The following RIPPLY2 variants were observed in gnomAD, a reference collection of about 807,000 sequenced individuals.
RIPPLY2 encodes protein ripply2.
In RIPPLY2, 20 loss-of-function variants were observed where a neutral mutation model predicts 17.7. The observed-to-expected ratio is 1.13, with a 90% CI of 0.79 to 1.64. The LOEUF (loss-of-function observed/expected upper bound fraction) is 1.64, where lower values mean the gene tolerates loss of function less well. RIPPLY2 is among the 40% of genes most tolerant of loss of function. RIPPLY2 has a pLI of 0.00. For synonymous variants in RIPPLY2, 69 were observed against 63.9 expected (o/e 1.08, Z -0.38); for missense variants, 213 against 169.8 (o/e 1.25, Z -1.41).
chr6:83,853,951 TGGGCCACAGGCACCCAGCC>T lies in RIPPLY2; in HGVS notation c.175-142_175-124del, dbSNP rs2099454600. 5.0e-6 allele frequency: 5 copies of T among 1,007,184 alleles called. No individual in the cohort carries two copies. In the South Asian group the frequency reaches 7.2e-5, roughly 14 times the overall value. The allele number at this position is 1,007,184 out of a possible 1,614,324, so 62.4% of individuals were successfully genotyped here. ...GCGGCGGATGTGTCCTCTGGAGCGATGGGCCACAGGCACCCAGCCGGGAGCGAGGCTGCTGAGAGCCCTG... is the reference window on the plus strand; with the variant it reads ...GCGGCGGATGTGTCCTCTGGAGCGATGGGAGCGAGGCTGCTGAGAGCCCTG... On this transcript the variant is annotated intron_variant, in intron 2 of 3. Coordinates refer to ENST00000369689, the MANE Select transcript of RIPPLY2 (RefSeq NM_001009994.3).
intron 2 of RIPPLY2, 105 bp from the exon 3 acceptor site, chr6:83,853,992 C>T: frequency 2.5e-6 from 3 of 1,199,310 alleles, no homozygotes; most frequent in Non-Finnish European, 3.7e-6. Flanking sequence ...TGCTGAGAGC[C>T]CTGGGGTTAC....
intron 3 of RIPPLY2, chr6:83,854,476 AG>A: frequency 2.7e-6 from 1 of 373,212 alleles, no homozygotes. Context: ...TAAATCCTAA[AG>A]GGTTCGAATG....
In RIPPLY2 at chr6:83,853,770, G is replaced by T. The variant is rs1227487632; in HGVS notation, c.171G>T (p.Glu57Asp). The change falls in exon 2 of 4, where the codon GAG (glutamate) becomes GAT (aspartate). Residue 57 changes from glutamate (E) to aspartate (D), a missense_variant. Transcript: ENST00000369689. ...AGGAGACGCCGAACCACGCCGCGGA[G>T]GCGGTGAGTGAGCCACGCGTCTCAG... ...KEEETPNHAA[E>D]AMPDGPGMTA... 1 of 1,612,180 alleles carries T rather than the reference G, an allele frequency of 6.2e-7. No homozygotes were observed. The highest frequency in any genetic ancestry group is 8.5e-7 in the Non-Finnish European group (1 of 1,179,600).
chr6:83,857,271 AT>A lies in RIPPLY2; in HGVS notation c.271del (p.Tyr91ThrfsTer10). On this transcript the variant is annotated frameshift_variant, in exon 4 of 4. Coordinates refer to ENST00000369689, the MANE Select transcript of RIPPLY2 (RefSeq NM_001009994.3). LOFTEE classifies it high-confidence loss of function. ...RLFWPKSKCYDYLYQEAEALL... is the reference protein window; with the variant it reads ...RLFWPKSKCYXYLYQEAEALL... ...TTTTGGCCAAAATCAAAATGTTATG[AT>A]TACTTATATCAAGAAGCAGAAGCTC... 6.5e-7 allele frequency: 1 copy of A among 1,530,734 alleles called. No homozygotes were observed. The highest frequency in any genetic ancestry group is 8.8e-7 in the Non-Finnish European group (1 of 1,142,622). The allele number at this position is 1,530,734 out of a possible 1,614,324, so 94.8% of individuals were successfully genotyped here.
At chr6:83,853,604 CA>C in intron 1 of RIPPLY2, 90 bp from the exon 2 acceptor site, 1 of 1,550,536 alleles carries the variant, frequency 6.4e-7, no homozygotes, top group Non-Finnish European at 8.7e-7. Context: ...CTCCATCCCC[CA>C]CTGCCCGGTG....
At chr6:83,855,442 A>T (rs866668869) in intron 3 of RIPPLY2, 9 of 152,254 alleles carry the variant, frequency 5.9e-5, no homozygotes, top group African/African-American at 2.2e-4. Flanking sequence ...GACAAAATAG[A>T]TTAGGCTTTA....
chr6:83,854,039 G>A, intron 2 of RIPPLY2, 58 bp from the exon 3 acceptor site: 1 of 1,500,472 alleles, frequency 6.7e-7, no homozygotes, highest in Non-Finnish European at 9.3e-7. Flanking sequence ...GGTCGTGCAC[G>A]TTTCCACTTT....
At position 83,853,462 on chromosome 6, in the gene RIPPLY2, G is replaced by C. The variant is rs1295530476; in HGVS notation, c.46G>C (p.Ala16Pro). The change falls in exon 1 of 4, where the codon GCG (alanine) becomes CCG (proline). Residue 16 changes from alanine (A) to proline (P), a missense_variant. Ala to Pro is a conservative substitution (Grantham distance 27, BLOSUM62 -1). Transcript: ENST00000369689. ...GAEGTESGAA[A>P]CAATDGPTRR... ...AGAGGGTACAGAGAGTGGAGCTGCGGCGTGCGCGGCCACCGACGGCCCTAC... is the reference window on the plus strand; with the variant it reads ...AGAGGGTACAGAGAGTGGAGCTGCGCCGTGCGCGGCCACCGACGGCCCTAC... 1 of 1,542,310 alleles carries C rather than the reference G, an allele frequency of 6.5e-7. No homozygotes were observed.
chr6:83,853,788 C>G lies in RIPPLY2; in HGVS notation c.174+15C>G. On this transcript the variant is annotated intron_variant, in intron 2 of 3. Coordinates refer to ENST00000369689, the MANE Select transcript of RIPPLY2 (RefSeq NM_001009994.3). Reference sequence around the variant, plus strand: ...CCGCGGAGGCGGTGAGTGAGCCACGCGTCTCAGGCCGCGCCTCCCACGGGT... The same window carrying G: ...CCGCGGAGGCGGTGAGTGAGCCACGGGTCTCAGGCCGCGCCTCCCACGGGT... The G allele has an allele frequency of 6.2e-7, 1 of 1,604,300 alleles. No individual in the cohort carries two copies. The highest frequency in any genetic ancestry group is 8.5e-7 in the Non-Finnish European group (1 of 1,173,968).
chr6:83,853,645 G>A (rs754039901), intron 1 of RIPPLY2, 50 bp from the exon 2 acceptor site: 12 of 1,590,420 alleles, frequency 7.5e-6, no homozygotes, highest in Non-Finnish European at 1.0e-5. Context: ...GATTCTCCCG[G>A]GTCTGGGCTC....
chr6:83,854,225 C>G, intron 3 of RIPPLY2, 64 bp downstream of exon 3: 1 of 1,322,612 alleles, frequency 7.6e-7, no homozygotes, highest in Non-Finnish European at 1.1e-6. Flanking sequence ...CCAGGGGCAT[C>G]GCGCAGCCCA....
At chr6:83,853,671 G>A in intron 1 of RIPPLY2, 24 bp from the exon 2 acceptor site, 1 of 1,608,154 alleles carries the variant, frequency 6.2e-7, no homozygotes, top group Non-Finnish European at 8.5e-7. Flanking sequence ...TCCTCTGCGC[G>A]CCTTGTGCTC....
rs909147379 is a variant in RIPPLY2 at position 83,853,402 on chromosome 6, C to G, written c.-15C>G. ...CGCGAGCTGGCAGCGGCCTTCCGCCCAGCTCTGCGGCGTCATGGAGAACGC... is the reference window on the plus strand; with the variant it reads ...CGCGAGCTGGCAGCGGCCTTCCGCCGAGCTCTGCGGCGTCATGGAGAACGC... On this transcript the variant is annotated 5_prime_UTR_variant, in exon 1 of 4. Transcript: ENST00000369689. 1.9e-6 allele frequency: 3 copies of G among 1,540,710 alleles called. No individual in the cohort carries two copies. Among genetic ancestry groups the G allele is most frequent in the Non-Finnish European group, 2.6e-6 (3 of 1,145,272 alleles).
At position 83,857,451 on chromosome 6, in the gene RIPPLY2, TATC is replaced by T. The variant is rs2099455167; in HGVS notation, c.*65_*67del. 2.9e-6 allele frequency: 3 copies of T among 1,025,750 alleles called. No individual in the cohort carries two copies. Among genetic ancestry groups the T allele is most frequent in the Non-Finnish European group, 4.1e-6 (3 of 738,846 alleles). 63.5% of individuals were successfully genotyped at this position (1,025,750 alleles called of 1,614,324 possible). ...GGGGTTTAAATTTAGTGTACAAATG[TATC>T]ATAATTATTTTAAACTAATTTATTT... On this transcript the variant is annotated 3_prime_UTR_variant, in exon 4 of 4. Coordinates refer to ENST00000369689, the MANE Select transcript of RIPPLY2 (RefSeq NM_001009994.3).
chr6:83,853,857 G>C (rs984196378), intron 2 of RIPPLY2, 84 bp downstream of exon 2: 2 of 1,234,692 alleles, frequency 1.6e-6, no homozygotes. Flanking sequence ...GCCTGAGAGA[G>C]ACATGCGAGA....
In RIPPLY2 at chr6:83,854,117, G is replaced by A; in HGVS notation, c.195G>A (p.Met65Ile). 1 of 1,614,150 alleles carries A rather than the reference G, an allele frequency of 6.2e-7. No homozygotes were observed. Among genetic ancestry groups the A allele is most frequent in the East Asian group, 2.2e-5 (1 of 44,880 alleles). The change falls in exon 3 of 4, where the codon ATG becomes ATA. Residue 65 changes from methionine to isoleucine, a missense_variant. Met to Ile is a conservative substitution (Grantham distance 10). Coordinates refer to ENST00000369689, the MANE Select transcript of RIPPLY2 (RefSeq NM_001009994.3). ...AAEAMPDGPG[M>I]TAASGKLYQF... ...TCCAGATGCCCGATGGCCCTGGAAT[G>A]ACCGCAGCCTCAGGAAAGCTTTACC...
Position 83,853,476 on chromosome 6 carries a change from C to G in RIPPLY2, c.60C>G (p.Thr20=). 3 of 1,541,020 alleles carry G rather than the reference C, an allele frequency of 1.9e-6. No homozygotes were observed. The highest frequency in any genetic ancestry group is 1.7e-6 in the Non-Finnish European group (2 of 1,145,800). ...GTGGAGCTGCGGCGTGCGCGGCCAC[C>G]GACGGCCCTACGCGGCGCGCGGGCG... ...TESGAAACAA[T]DGPTRRAGAD... Residue 20 remains threonine (T), a synonymous_variant, in exon 1 of 4, where the codon ACC becomes ACG. Coordinates refer to ENST00000369689, the MANE Select transcript of RIPPLY2 (RefSeq NM_001009994.3).
At chr6:83,856,272 AC>A (rs1242152408) in intron 3 of RIPPLY2, 2 of 152,196 alleles carry the variant, frequency 1.3e-5, no homozygotes, top group Admixed American at 1.3e-4. Flanking sequence ...AAAAATATAA[AC>A]TTTTTTTATG....
rs748943787 is a variant in RIPPLY2, at chr6:83,853,680, T to A, written c.96-15T>A. On this transcript the variant is annotated splice_polypyrimidine_tract_variant and intron_variant, in intron 1 of 3. Coordinates refer to ENST00000369689, the MANE Select transcript of RIPPLY2 (RefSeq NM_001009994.3). ...CACGTCTCCTCTGCGCGCCTTGTGC[T>A]CCCCTATCCCGCAGATACGCAGGCT... The A allele has an allele frequency of 2.5e-6, 4 of 1,611,054 alleles. No individual in the cohort carries two copies. In the South Asian group the frequency reaches 4.4e-5, roughly 18 times the overall value.
Sources: allele counts gnomAD v4.1 joint callset, GRCh38; gene constraint gnomAD v4.1.1; transcripts MANE v1.5; gene names NCBI Gene and HGNC (gene_info 2026-07-23, HGNC 2026-07-21).